The following SLC71A1 variants were observed in gnomAD, a reference collection of about 807,000 sequenced individuals.
SLC71A1 encodes hippocampus abundant gene transcript 1.
the SLC71A1 span, chr1:100,061,739 A>G: frequency 1.3e-6 from 1 of 758,322 alleles, no homozygotes; most frequent in Non-Finnish European, 2.3e-6. Flanking sequence ...GTTGACTGAA[A>G]TGAGCTGCTC....
At chr1:100,068,115 G>A in the SLC71A1 span, 1 of 1,614,064 alleles carries the variant, frequency 6.2e-7, no homozygotes, top group African/African-American at 1.3e-5. Context: ...CCTTGTTGCT[G>A]TGCCAGAGTC....
the SLC71A1 span, among the ~76,000 whole-genome samples, chr1:100,058,247 G>T: frequency 6.6e-6 from 1 of 152,060 alleles, no homozygotes; most frequent in African/African-American, 2.4e-5. Flanking sequence ...TCCTATCCTA[G>T]ATAATATATC....
chr1:100,071,143 T>TA, the SLC71A1 span, among the ~76,000 whole-genome samples: 1 of 151,894 alleles, frequency 6.6e-6, no homozygotes. Flanking sequence ...AGCCTTTATA[T>TA]AAAAATGGCT....
the SLC71A1 span, among the ~76,000 whole-genome samples, chr1:100,063,265 A>AAAAACAAAAC: frequency 1.6e-3 from 240 of 151,506 alleles, no homozygotes; most frequent in Middle Eastern, 0.017. Flanking sequence ...TGTTCTGGCA[A>AAAAACAAAAC]AAAACAAAAC....
the SLC71A1 span, among the ~76,000 whole-genome samples, chr1:100,047,085 T>C: frequency 6.6e-6 from 1 of 152,230 alleles, no homozygotes; most frequent in African/African-American, 2.4e-5. Flanking sequence ...GTTGGTACTT[T>C]CCAGTACTTT....
chr1:100,038,134 G>T, the SLC71A1 span: 3 of 1,085,742 alleles, frequency 2.8e-6, no homozygotes, highest in Non-Finnish European at 2.7e-6. Flanking sequence ...CGGGCGCCCA[G>T]AGCGGCTCGG....
chr1:100,067,672 G>C, the SLC71A1 span, among the ~76,000 whole-genome samples: 1 of 152,046 alleles, frequency 6.6e-6, no homozygotes. Flanking sequence ...AATTAGCTGG[G>C]CGTGGTGGTG....
At chr1:100,060,441 G>T in the SLC71A1 span, among the ~76,000 whole-genome samples, 1 of 152,128 alleles carries the variant, frequency 6.6e-6, no homozygotes, top group South Asian at 2.1e-4. Flanking sequence ...ATGTGAAAAA[G>T]GGTCTGCAAG....
chr1:100,062,515 A>G, the SLC71A1 span, among the ~76,000 whole-genome samples: 4 of 152,208 alleles, frequency 2.6e-5, no homozygotes. Context: ...TGTGTCATCT[A>G]TCAAATCTAG....
chr1:100,054,654 C>G, the SLC71A1 span, among the ~76,000 whole-genome samples: 245 of 152,220 alleles, frequency 1.6e-3, 2 homozygotes, highest in Middle Eastern at 3.4e-3. Context: ...GTGTCCTTGG[C>G]TACAGAAACA....
the SLC71A1 span, among the ~76,000 whole-genome samples, chr1:100,071,311 AAAAAAG>A: frequency 3.0e-3 from 451 of 149,462 alleles, 3 homozygotes; most frequent in East Asian, 0.024. Flanking sequence ...AAAAAAAAAA[AAAAAAG>A]AAAGAAAGCC....
At chr1:100,047,572 G>A in the SLC71A1 span, among the ~76,000 whole-genome samples, 77 of 152,254 alleles carry the variant, frequency 5.1e-4, 1 homozygote, top group South Asian at 5.4e-3. Context: ...ACAGGCATGC[G>A]CCACCACGCC....
chr1:100,061,787 A>C, the SLC71A1 span: 1 of 1,160,618 alleles, frequency 8.6e-7, no homozygotes, highest in Non-Finnish European at 1.3e-6. Flanking sequence ...AAGAAGATTA[A>C]AACAATGGTA....
the SLC71A1 span, chr1:100,067,848 C>G: frequency 1.4e-6 from 1 of 731,326 alleles, no homozygotes; most frequent in Non-Finnish European, 2.3e-6. Flanking sequence ...ATAAATGGCA[C>G]AGGTAGGAAG....
the SLC71A1 span, among the ~76,000 whole-genome samples, chr1:100,075,807 T>C: frequency 6.6e-6 from 1 of 152,024 alleles, no homozygotes; most frequent in East Asian, 1.9e-4. Context: ...GCCTCCTGAG[T>C]AGCTGGGACC....
chr1:100,056,640 G>T, the SLC71A1 span, among the ~76,000 whole-genome samples: 2 of 152,168 alleles, frequency 1.3e-5, no homozygotes, highest in Non-Finnish European at 2.9e-5. Flanking sequence ...TAGTGCTGCA[G>T]TAAATGTAGG....
the SLC71A1 span, chr1:100,082,289 C>A: frequency 9.4e-7 from 1 of 1,060,978 alleles, no homozygotes. Context: ...ATTCCATTTC[C>A]ATCCACAGTG....
the SLC71A1 span, among the ~76,000 whole-genome samples, chr1:100,043,948 G>T: frequency 1.3e-5 from 2 of 152,270 alleles, no homozygotes; most frequent in African/African-American, 4.8e-5. Context: ...TTATCCACTT[G>T]TTGGTCATTG....
chr1:100,040,373 C>T, the SLC71A1 span, among the ~76,000 whole-genome samples: 6 of 152,170 alleles, frequency 3.9e-5, no homozygotes, highest in African/African-American at 1.4e-4. Context: ...AAAAGTATAA[C>T]TATTGCAGTC....
Sources: allele counts gnomAD v4.1 joint callset (sites outside exome capture counted in the v4.1 genomes callset), GRCh38; gene constraint gnomAD v4.1.1; transcripts MANE v1.5; gene names NCBI Gene and HGNC (gene_info 2026-07-23, HGNC 2026-07-21).